ADGRL3: variants seen among roughly 807,000 people sequenced by gnomAD.
The protein encoded by ADGRL3 is calcium-independent alpha-latrotoxin receptor 3.
In ADGRL3, 62 loss-of-function variants were observed where a neutral mutation model predicts 153.5. The observed-to-expected ratio is 0.40, with a 90% CI of 0.33 to 0.50. The LOEUF is 0.50. ADGRL3 is among the 20% of genes least tolerant of loss of function. The pLI, the probability that ADGRL3 is intolerant of heterozygous loss-of-function variation, is 0.47. For missense variants in ADGRL3, 1,641 were observed against 1,859.4 expected, an observed-to-expected ratio of 0.88 and a Z score of 2.16; for synonymous variants, 710 against 672.5, an observed-to-expected ratio of 1.06 and a Z score of -0.86.
At chr4:61,875,497 T>C (rs975182543) in intron 9 of ADGRL3, among the ~76,000 whole-genome samples, 1 of 152,226 alleles carries the variant, frequency 6.6e-6, no homozygotes, top group African/African-American at 2.4e-5. Context: ...ATTATACTTT[T>C]AGTATAAGCT....
Position 61,538,914 on chromosome 4 carries a change from C to T in ADGRL3, c.259+21396C>T, listed in dbSNP as rs113481141. On this transcript the variant is annotated intron_variant, in intron 4 of 26. Coordinates refer to ENST00000683033, the MANE Select transcript of ADGRL3 (RefSeq NM_001387552.1). ...GGAGCAGGGGTGGTAGGTGTGGGTG[C>T]ACCAGCTTCTTGTCCTGTGCAGGCA... Among the ~76,000 whole-genome samples the T allele has an allele frequency of 5.9e-5, 9 of 152,240 alleles. 1 individual carries two copies. The South Asian group carries it at 6.2e-4, about 11-fold the overall frequency.
chr4:61,848,467 C>T (rs1476603133), intron 9 of ADGRL3, among the ~76,000 whole-genome samples: 2 of 151,908 alleles, frequency 1.3e-5, no homozygotes, highest in African/African-American at 4.8e-5. Context: ...TGTGTCCTTT[C>T]TTTTCTTATA....
intron 4 of ADGRL3, among the ~76,000 whole-genome samples, chr4:61,529,413 TAG>T: frequency 6.6e-6 from 1 of 152,198 alleles, no homozygotes; most frequent in Non-Finnish European, 1.5e-5. Flanking sequence ...CTAGTTTGCT[TAG>T]AGAGACTCAG....
At chr4:61,889,176 T>C (rs908318290) in intron 9 of ADGRL3, among the ~76,000 whole-genome samples, 1 of 152,218 alleles carries the variant, frequency 6.6e-6, no homozygotes. Flanking sequence ...CAACACATAT[T>C]AGTGTATAAC....
At chr4:61,627,411 C>A (rs141385693) in intron 5 of ADGRL3, among the ~76,000 whole-genome samples, 27 of 151,924 alleles carry the variant, frequency 1.8e-4, no homozygotes, top group African/African-American at 6.5e-4. Context: ...GTCAGGAGTC[C>A]GATGACCAAC....
chr4:61,934,926 G>A lies in ADGRL3; in HGVS notation c.2199G>A (p.Ala733=), dbSNP rs199658315. ...RDLTTSDQLR[A]ATMLLHTVEE... is the part of the protein sequence containing the mutation. ...TGACTACGAGTGATCAGCTGCGTGCGGCCACCATGTTGCTTCATACTGTGG... is the reference window on the plus strand; with the variant it reads ...TGACTACGAGTGATCAGCTGCGTGCAGCCACCATGTTGCTTCATACTGTGG... The change falls in exon 14 of 27, where the codon GCG becomes GCA. Residue 733 remains alanine, a synonymous_variant. Coordinates refer to ENST00000683033, the MANE Select transcript of ADGRL3 (RefSeq NM_001387552.1). 172 of 1,613,780 alleles carry A rather than the reference G, an allele frequency of 1.1e-4. 2 individuals are homozygous for A. The South Asian group carries it at 1.5e-3, about 15-fold the overall frequency.
In ADGRL3 at chr4:61,529,602, G is replaced by A. The variant is rs187197563; in HGVS notation, c.259+12084G>A. On this transcript the variant is annotated intron_variant, in intron 4 of 26. Transcript: ENST00000683033. ...TCTATAAGTTAGTGGATTGGGGCTA[G>A]GTTATTTGTAAAGCTCTTGCTAAAT... Among the ~76,000 whole-genome samples, 8 of 152,192 alleles carry A rather than the reference G, an allele frequency of 5.3e-5. No individual in the cohort carries two copies. The East Asian group carries it at 1.5e-3, about 29-fold the overall frequency.
chr4:61,895,761 A>T lies in ADGRL3; in HGVS notation c.1814A>T (p.Asp605Val). 1 of 1,600,390 alleles carries T rather than the reference A, an allele frequency of 6.2e-7. No individual in the cohort carries two copies. Among genetic ancestry groups the T allele is most frequent in the Non-Finnish European group, 8.5e-7 (1 of 1,172,498 alleles). Residue 605 changes from aspartate to valine, a missense_variant, in exon 11 of 27, where the codon GAT becomes GTT. This residue lies in a region of ADGRL3 where 734 missense variants were observed against 797.0 expected (regional missense o/e 0.92). Transcript: ENST00000683033. ...GVSTYLCLAP[D>V]GIWDPQGPDL... Reference sequence around the variant, plus strand: ...TCAACTTATCTATGCCTTGCTCCTGATGGAATTTGGGATCCCCAAGGTCCA... The same window carrying T: ...TCAACTTATCTATGCCTTGCTCCTGTTGGAATTTGGGATCCCCAAGGTCCA...
chr4:61,656,106 A>C (rs1183470068), intron 5 of ADGRL3, among the ~76,000 whole-genome samples: 2 of 152,188 alleles, frequency 1.3e-5, no homozygotes, highest in African/African-American at 2.4e-5. Context: ...TTTGTTGCCA[A>C]AAGGTCAATA....
chr4:61,879,427 G>A (rs1011472163), intron 9 of ADGRL3, among the ~76,000 whole-genome samples: 5 of 152,044 alleles, frequency 3.3e-5, no homozygotes, highest in African/African-American at 9.7e-5. Flanking sequence ...GTCTAAACAC[G>A]GAACTAATTT....
At chr4:61,931,568 C>T (rs1238447361) in intron 13 of ADGRL3, among the ~76,000 whole-genome samples, 1 of 152,134 alleles carries the variant, frequency 6.6e-6, no homozygotes, top group Non-Finnish European at 1.5e-5. Context: ...GGTTCCAAAT[C>T]CCACACTCTG....
chr4:61,588,223 A>C (rs2098954746), intron 5 of ADGRL3, among the ~76,000 whole-genome samples: 1 of 151,890 alleles, frequency 6.6e-6, no homozygotes, highest in South Asian at 2.1e-4. Context: ...ACAGCTATTC[A>C]GTTATTTCTT....
At chr4:61,719,058 C>T (rs2096183598) in intron 6 of ADGRL3, among the ~76,000 whole-genome samples, 1 of 152,108 alleles carries the variant, frequency 6.6e-6, no homozygotes, top group Non-Finnish European at 1.5e-5. Context: ...AATTTCTCAC[C>T]TTTGGATTGT....
At chr4:61,403,014 C>T (rs185054169) in intron 2 of ADGRL3, among the ~76,000 whole-genome samples, 66 of 149,518 alleles carry the variant, frequency 4.4e-4, no homozygotes, top group African/African-American at 1.5e-3. Flanking sequence ...CTGGCTTGTA[C>T]ATGGCTGCCT....
chr4:61,314,050 G>A (rs2095113799), intron 1 of ADGRL3, among the ~76,000 whole-genome samples: 1 of 152,108 alleles, frequency 6.6e-6, no homozygotes, highest in African/African-American at 2.4e-5. Flanking sequence ...GTGGCTCCTG[G>A]CAGCCGGGAA....
intron 6 of ADGRL3, among the ~76,000 whole-genome samples, chr4:61,712,695 C>T (rs1236757396): frequency 6.6e-6 from 1 of 152,158 alleles, no homozygotes; most frequent in Non-Finnish European, 1.5e-5. Flanking sequence ...GACTTATGGT[C>T]CATGCAGTTA....
At chr4:61,568,344 T>C (rs2149088791) in intron 4 of ADGRL3, among the ~76,000 whole-genome samples, 1 of 152,294 alleles carries the variant, frequency 6.6e-6, no homozygotes, top group East Asian at 1.9e-4. Flanking sequence ...TCTCATTTTC[T>C]TCAAATTATA....
In ADGRL3 at chr4:61,517,307, C is replaced by A. The variant is rs1258284863; in HGVS notation, c.56-8C>A. ...GGGGTCTGATGGTGCGCCCTGCGGT[C>A]CCCGCAGGTGGCAAGCACAGTGAAC... is the stretch of plus-strand genomic sequence containing the variant. On this transcript the variant is annotated splice_region_variant and splice_polypyrimidine_tract_variant and intron_variant, in intron 3 of 26. Transcript: ENST00000683033. The A allele has an allele frequency of 1.4e-6, 1 of 702,338 alleles. No individual in the cohort carries two copies. The highest frequency in any genetic ancestry group is 2.0e-5 in the Admixed American group (1 of 50,018). 43.5% of individuals were successfully genotyped at this position (702,338 alleles called of 1,614,324 possible).
intron 2 of ADGRL3, among the ~76,000 whole-genome samples, chr4:61,428,502 T>C (rs2097309348): frequency 6.6e-6 from 1 of 152,176 alleles, no homozygotes; most frequent in Admixed American, 6.5e-5. Context: ...CAAAATTAGA[T>C]CTGAAAAAAT....
Sources: gnomAD v4.1 joint callset for allele counts (sites outside exome capture counted in the v4.1 genomes callset) on GRCh38, gnomAD v4.1.1 for gene constraint, gnomAD v4.1.1 regional missense constraint, MANE v1.5 for transcripts, NCBI Gene and HGNC (gene_info 2026-07-23, HGNC 2026-07-21) for gene names.